ADCY1: variants seen among roughly 807,000 people sequenced by gnomAD.
The protein encoded by ADCY1 is adenylate cyclase type 1.
A neutral mutation model predicts 105.4 loss-of-function variants in ADCY1; 28 were observed. The ratio of observed to expected loss-of-function variants is 0.27; its 90% CI spans 0.20 to 0.36. The LOEUF is 0.36. Among genes scored for constraint, ADCY1 ranks in the 10% least tolerant of loss-of-function variants. The pLI is 1.00. For missense variants in ADCY1, 977 were observed against 1,434.2 expected, an observed-to-expected ratio of 0.68 and a Z score of 5.15; for synonymous variants, 655 against 623.8, an observed-to-expected ratio of 1.05 and a Z score of -0.75.
At chr7:45,658,039 C>T (rs1369673860) in intron 6 of ADCY1, among the ~76,000 whole-genome samples, 154 bp downstream of exon 6, 1 of 152,192 alleles carries the variant, frequency 6.6e-6, no homozygotes, top group African/African-American at 2.4e-5. Context: ...ACCTGCCAAC[C>T]AGACTCCCTG....
At chr7:45,578,625 CAGAG>C (rs948767928) in intron 1 of ADCY1, among the ~76,000 whole-genome samples, 1 of 152,290 alleles carries the variant, frequency 6.6e-6, no homozygotes, top group African/African-American at 2.4e-5. Flanking sequence ...CTCACAGACT[CAGAG>C]AGCCTCAGAG....
Position 45,703,416 on chromosome 7 carries a change from A to G in ADCY1, c.2495A>G (p.Asp832Gly), listed in dbSNP as rs1785039371. 1 of 1,614,090 alleles carries G rather than the reference A, an allele frequency of 6.2e-7. No homozygotes were observed. ...GAGGACATGGAGAAGGTGAAGCTGG[A>G]CAACAGGCGCATCCTCTTCAACCTC... ...EREDMEKVKL[D>G]NRRILFNLLP... Residue 832 changes from aspartate (D) to glycine (G), a missense_variant, in exon 15 of 20, where the codon GAC becomes GGC. This residue lies in a region of ADCY1 where 152 missense variants were observed against 293.7 expected (regional missense o/e 0.52). Transcript: ENST00000297323. The surrounding 1 kb of genome is among the most constrained non-coding windows in gnomAD (Gnocchi z 5.9).
At chr7:45,612,753 A>G (rs141782017) in intron 3 of ADCY1, among the ~76,000 whole-genome samples, 4,673 of 152,312 alleles carry the variant, frequency 0.031, 82 homozygotes, top group Non-Finnish European at 0.042. Context: ...TGCCTGAAGA[A>G]CAAGCCTCTA....
chr7:45,712,728 G>A (rs1785285530), intron 19 of ADCY1, among the ~76,000 whole-genome samples: 1 of 152,250 alleles, frequency 6.6e-6, no homozygotes, highest in Non-Finnish European at 1.5e-5. Flanking sequence ...CAGGGAGATA[G>A]GGAGGAAGAG....
chr7:45,590,097 G>T lies in ADCY1; in HGVS notation c.640-2662G>T, dbSNP rs564110510. Among the ~76,000 whole-genome samples the T allele has an allele frequency of 3.3e-5, 5 of 152,248 alleles. No homozygotes were observed. In the East Asian group the frequency reaches 9.7e-4, roughly 29 times the overall value. On this transcript the variant is annotated intron_variant, in intron 1 of 19. Coordinates refer to ENST00000297323, the MANE Select transcript of ADCY1 (RefSeq NM_021116.4). ...GCACCTCCATATAGTGCAGAGATGA[G>T]GGGGACCGGCCGCCAATCCCCCCAG...
chr7:45,705,778 T>C (rs1455969168), intron 17 of ADCY1, among the ~76,000 whole-genome samples: 2 of 152,096 alleles, frequency 1.3e-5, no homozygotes, highest in Non-Finnish European at 2.9e-5. Context: ...ATGACATGAC[T>C]ATACGTAGAA....
At chr7:45,696,714 G>A (rs983464547) in intron 14 of ADCY1, among the ~76,000 whole-genome samples, 1 of 152,072 alleles carries the variant, frequency 6.6e-6, no homozygotes, top group African/African-American at 2.4e-5. Context: ...AATTCACAGT[G>A]GCCTCCCCAG....
intron 4 of ADCY1, among the ~76,000 whole-genome samples, chr7:45,634,504 T>G (rs1321298097): frequency 6.6e-6 from 1 of 151,798 alleles, no homozygotes; most frequent in African/African-American, 2.4e-5. Flanking sequence ...GATCATATGG[T>G]TTTTCTTTTT....
At chr7:45,679,127 A>G (rs1352966957) in intron 10 of ADCY1, among the ~76,000 whole-genome samples, 1 of 151,972 alleles carries the variant, frequency 6.6e-6, no homozygotes, top group Non-Finnish European at 1.5e-5. Context: ...CTTTACTTTC[A>G]AGTGTACTCA....
At chr7:45,609,393 C>T (rs1018426064) in intron 2 of ADCY1, among the ~76,000 whole-genome samples, 2 of 152,158 alleles carry the variant, frequency 1.3e-5, no homozygotes, top group African/African-American at 4.8e-5. Flanking sequence ...TGCTAAGGCT[C>T]CTTGGAGGGA....
intron 19 of ADCY1, among the ~76,000 whole-genome samples, chr7:45,713,231 G>C (rs983622959): frequency 2.6e-5 from 4 of 152,128 alleles, no homozygotes; most frequent in Non-Finnish European, 5.9e-5. Flanking sequence ...CTCTGTTCTA[G>C]CATCTGGAGC....
At chr7:45,630,922 A>G (rs1458507613) in intron 4 of ADCY1, among the ~76,000 whole-genome samples, 2 of 152,192 alleles carry the variant, frequency 1.3e-5, no homozygotes, top group African/African-American at 2.4e-5. Context: ...ATTTCAGCCT[A>G]CCACACACTG....
rs868455028 is a variant in ADCY1, at chr7:45,574,700, A to G, written c.157A>G (p.Thr53Ala). 1.4e-6 allele frequency: 2 copies of G among 1,404,558 alleles called. No individual in the cohort carries two copies. The highest frequency in any genetic ancestry group is 1.8e-6 in the Non-Finnish European group (2 of 1,084,842). The allele number at this position is 1,404,558 out of a possible 1,614,324, so 87.0% of individuals were successfully genotyped here. Residue 53 changes from threonine to alanine, a missense_variant, in exon 1 of 20, where the codon ACG becomes GCG. This residue lies in a region of ADCY1 where 209 missense variants were observed against 222.5 expected (regional missense o/e 0.94). Transcript: ENST00000297323. The surrounding 1 kb of genome is among the most constrained non-coding windows in gnomAD (Gnocchi z 7.0). ...GCTGGAGGCGCTGTTCCGCGGCTAC[A>G]CGCTGCGGCTGGAGCAGGCGGCCAC... is the stretch of plus-strand genomic sequence containing the variant. ...PELEALFRGY[T>A]LRLEQAATLK...
intron 3 of ADCY1, among the ~76,000 whole-genome samples, chr7:45,616,325 A>G (rs1793735781): frequency 6.6e-6 from 1 of 152,246 alleles, no homozygotes; most frequent in South Asian, 2.1e-4. Context: ...CTATGAAGCC[A>G]GCATTGTCCT....
intron 3 of ADCY1, among the ~76,000 whole-genome samples, chr7:45,615,010 A>G (rs749908502): frequency 7.2e-5 from 11 of 152,232 alleles, no homozygotes; most frequent in Non-Finnish European, 1.3e-4. Context: ...TTTTAATAAC[A>G]CTATAGACTA....
chr7:45,661,235 C>A (rs1795094750), intron 7 of ADCY1, among the ~76,000 whole-genome samples: 1 of 152,068 alleles, frequency 6.6e-6, no homozygotes, highest in African/African-American at 2.4e-5. Context: ...GTATACAGCC[C>A]CACTTTAGAG....
At chr7:45,659,548 G>A (rs919106041) in intron 6 of ADCY1, among the ~76,000 whole-genome samples, 6 of 152,122 alleles carry the variant, frequency 3.9e-5, no homozygotes, top group South Asian at 2.1e-4. Context: ...GCTCCACAGC[G>A]TTTCTTACCA....
chr7:45,662,854 G>A (rs1329921309), intron 8 of ADCY1, among the ~76,000 whole-genome samples: 1 of 152,198 alleles, frequency 6.6e-6, no homozygotes, highest in South Asian at 2.1e-4. Flanking sequence ...TGGGCAGGGC[G>A]AGCCCGGAAG....
chr7:45,662,643 C>T lies in ADCY1; in HGVS notation c.1605+429C>T, dbSNP rs560404500. ...TCATCTGTCTGTGCCTGTGCGGCTT[C>T]CTGGCTCCCTCTCTATGCAGGAGCT... On this transcript the variant is annotated intron_variant, in intron 8 of 19. Transcript: ENST00000297323. Among the ~76,000 whole-genome samples the T allele has an allele frequency of 4.4e-3, 676 of 152,228 alleles. 1 individual carries two copies. The highest frequency in any genetic ancestry group is 7.2e-3 in the Non-Finnish European group (491 of 68,010).
Sources: allele counts gnomAD v4.1 joint callset (sites outside exome capture counted in the v4.1 genomes callset), GRCh38; gene constraint gnomAD v4.1.1; regional missense constraint gnomAD v4.1.1; non-coding constraint Gnocchi (gnomAD v3.1); transcripts MANE v1.5; gene names NCBI Gene and HGNC (gene_info 2026-07-23, HGNC 2026-07-21).